The following UIMC1 variants were observed in gnomAD, a reference collection of about 807,000 sequenced individuals.
UIMC1 encodes the protein BRCA1-A complex subunit RAP80.
Under a neutral mutation model 84.9 loss-of-function variants are expected in UIMC1, and 42 were observed. The ratio of observed to expected loss-of-function variants is 0.49; its 90% CI spans 0.39 to 0.64. The LOEUF (loss-of-function observed/expected upper bound fraction) is 0.64. UIMC1 is among the 30% of genes least tolerant of loss of function. The pLI is 0.00. For missense variants in UIMC1, 825 were observed against 847.6 expected, an observed-to-expected ratio of 0.97 and a Z score of 0.33; for synonymous variants, 281 against 293.0, an observed-to-expected ratio of 0.96 and a Z score of 0.42.
intron 10 of UIMC1, among the ~76,000 whole-genome samples, chr5:176,917,234 A>C (rs1761092201): frequency 6.6e-6 from 1 of 152,244 alleles, no homozygotes. Flanking sequence ...GCCTCCCTAC[A>C]ACCAACGACC....
chr5:177,008,084 G>A (rs1234696266), upstream of UIMC1, among the ~76,000 whole-genome samples: 1 of 149,916 alleles, frequency 6.7e-6, no homozygotes, highest in African/African-American at 2.5e-5. Context: ...CAGCCTGGGT[G>A]ACAGAGTGAG....
chr5:176,976,404 A>G (rs1770078965), intron 2 of UIMC1, among the ~76,000 whole-genome samples: 1 of 152,246 alleles, frequency 6.6e-6, no homozygotes. Context: ...CAAGAAGTAC[A>G]TGAAAAGATG....
At chr5:176,966,953 T>C (rs922724443) in intron 6 of UIMC1, among the ~76,000 whole-genome samples, 3 of 152,132 alleles carry the variant, frequency 2.0e-5, no homozygotes, top group African/African-American at 2.4e-5. Flanking sequence ...GCCTCACAAA[T>C]AGTAAGAGAT....
intron 4 of UIMC1, chr5:176,970,454 G>A (rs1030247117): frequency 1.9e-5 from 8 of 416,852 alleles, no homozygotes; most frequent in African/African-American, 1.2e-4. Context: ...TCTGGTTCTT[G>A]GTATTCAGTA....
chr5:176,958,224 A>C (rs1204865587), intron 6 of UIMC1, 70 bp from the exon 7 acceptor site: 1 of 1,357,144 alleles, frequency 7.4e-7, no homozygotes, highest in East Asian at 2.3e-5. Flanking sequence ...TTTTTTAAAA[A>C]AATTTAATTG....
intron 1 of UIMC1, among the ~76,000 whole-genome samples, chr5:177,003,007 G>A (rs1339476498): frequency 6.6e-6 from 1 of 151,946 alleles, no homozygotes; most frequent in African/African-American, 2.4e-5. Context: ...CTTGATACAG[G>A]ATACGCACCT....
intron 1 of UIMC1, among the ~76,000 whole-genome samples, chr5:177,014,370 A>C (rs1365061897): frequency 1.3e-5 from 2 of 152,092 alleles, no homozygotes; most frequent in Non-Finnish European, 2.9e-5. Context: ...AGCCACTTTT[A>C]TATGGAATTT....
intron 6 of UIMC1, among the ~76,000 whole-genome samples, chr5:176,961,883 G>C (rs1420939202): frequency 5.6e-4 from 32 of 57,236 alleles, no homozygotes; most frequent in African/African-American, 2.2e-3. Flanking sequence ...GCCCCGTCCG[G>C]GAGGGAGGTG....
intron 6 of UIMC1, among the ~76,000 whole-genome samples, chr5:176,967,369 AAAT>A (rs1023279383): frequency 1.1e-4 from 17 of 152,158 alleles, no homozygotes; most frequent in East Asian, 1.9e-4. Flanking sequence ...AAAAAGTAGA[AAAT>A]AATGTGTAAA....
chr5:176,936,306 T>C lies in UIMC1; in HGVS notation c.1597+7029A>G, dbSNP rs559240497. Among the ~76,000 whole-genome samples, 11 of 152,362 alleles carry C rather than the reference T, an allele frequency of 7.2e-5. No individual in the cohort carries two copies. In the East Asian group the frequency reaches 1.5e-3, roughly 21 times the overall value. ...ATGAGGAACCTGATCCTGAAAGAGA[T>C]AACTTGTCAAATATTAGCCAGTTAG... On this transcript the variant is annotated intron_variant, in intron 10 of 14. Coordinates refer to ENST00000511320, the MANE Select transcript of UIMC1 (RefSeq NM_001199298.2).
chr5:176,963,493 C>G (rs1339345128), intron 6 of UIMC1, among the ~76,000 whole-genome samples: 1 of 149,942 alleles, frequency 6.7e-6, no homozygotes, highest in African/African-American at 2.5e-5. Flanking sequence ...TGCACTCCAG[C>G]CTGGGTGACA....
intron 1 of UIMC1, among the ~76,000 whole-genome samples, chr5:177,002,390 C>A (rs908560713): frequency 6.6e-6 from 1 of 152,172 alleles, no homozygotes; most frequent in Admixed American, 6.5e-5. Context: ...CACAAGGGAG[C>A]CTTCTGAAAA....
chr5:177,000,865 A>AT (rs574776904), intron 1 of UIMC1, among the ~76,000 whole-genome samples: 1 of 151,696 alleles, frequency 6.6e-6, no homozygotes, highest in Non-Finnish European at 1.5e-5. Context: ...GGATTATTAG[A>AT]TTTTTTTTCC....
intron 6 of UIMC1, among the ~76,000 whole-genome samples, chr5:176,966,147 A>G (rs1768261858): frequency 6.6e-6 from 1 of 152,256 alleles, no homozygotes; most frequent in African/African-American, 2.4e-5. Flanking sequence ...GATGGTTACT[A>G]GGAAATAATG....
Position 176,969,583 on chromosome 5 carries a change from C to T in UIMC1, c.463+18G>A. The stretch of plus-strand genomic sequence containing the variant: ...GTTATACTTGATGAATGGAAGGAGT[C>T]AGAACAGGGAGACATGCCTTCAGTG... On this transcript the variant is annotated intron_variant, in intron 5 of 14. Coordinates refer to ENST00000511320, the MANE Select transcript of UIMC1 (RefSeq NM_001199298.2). The T allele has an allele frequency of 6.2e-7, 1 of 1,610,246 alleles. No homozygotes were observed. Among genetic ancestry groups the T allele is most frequent in the South Asian group, 1.1e-5 (1 of 90,930 alleles).
Position 176,968,887 on chromosome 5 carries a change from T to TAC in UIMC1, c.867_868insGT (p.Asn290ValfsTer19). The TAC allele has an allele frequency of 6.2e-7, 1 of 1,614,132 alleles. No individual in the cohort carries two copies. Among genetic ancestry groups the TAC allele is most frequent in the African/African-American group, 1.3e-5 (1 of 75,044 alleles). ...CAGAGAATGACCTTGGTATACTGGT[T>TAC]AGGGTCTACTCCATCAGGGCAGAAT... is the stretch of plus-strand genomic sequence containing the variant. On this transcript the variant is annotated frameshift_variant, in exon 6 of 15. Coordinates refer to ENST00000511320, the MANE Select transcript of UIMC1 (RefSeq NM_001199298.2). LOFTEE classifies it high-confidence loss of function.
At chr5:176,911,252 T>C (rs1171100401) in intron 11 of UIMC1, 59 bp downstream of exon 11, 6 of 1,404,448 alleles carry the variant, frequency 4.3e-6, no homozygotes, top group Admixed American at 4.4e-5. Context: ...GGTCTTTTTA[T>C]TCAGTCCAAA....
chr5:177,013,293 GGAGGTTGCAGT>G (rs1775596879), intron 1 of UIMC1, among the ~76,000 whole-genome samples: 1 of 151,100 alleles, frequency 6.6e-6, no homozygotes, highest in South Asian at 2.1e-4. Flanking sequence ...CTCAGGAGGC[GGAGGTTGCAGT>G]GAGCTGAGAT....
rs972215924 is a variant in UIMC1, at chr5:176,997,450, C to T, written c.-9+9200G>A. Among the ~76,000 whole-genome samples, 7 of 151,998 alleles carry T rather than the reference C, an allele frequency of 4.6e-5. No homozygotes were observed. In the East Asian group the frequency reaches 9.6e-4, roughly 21 times the overall value. On this transcript the variant is annotated intron_variant, in intron 1 of 14. Coordinates refer to ENST00000511320, the MANE Select transcript of UIMC1 (RefSeq NM_001199298.2). ...CCTGTAATCCCGCACTCTGGGAGGC[C>T]GAGGCAGGCGGATCACAAGGTCAGG... is the stretch of plus-strand genomic sequence containing the variant.
Sources: allele counts gnomAD v4.1 joint callset (sites outside exome capture counted in the v4.1 genomes callset), GRCh38; gene constraint gnomAD v4.1.1; transcripts MANE v1.5; gene names NCBI Gene and HGNC (gene_info 2026-07-23, HGNC 2026-07-21).